SLC44A3: variants seen among roughly 807,000 people sequenced by gnomAD.
The protein encoded by SLC44A3 is choline transporter-like protein 3.
In SLC44A3, 74 loss-of-function variants were observed where a neutral mutation model predicts 75.4. The observed-to-expected ratio is 0.98, with a 90% CI of 0.81 to 1.19. The LOEUF is 1.19. Among genes scored for constraint, SLC44A3 ranks in the 50% most tolerant of loss-of-function variants. The pLI is 0.00. For synonymous variants in SLC44A3, 310 were observed against 296.9 expected, an observed-to-expected ratio of 1.04 and a Z score of -0.45; for missense variants, 700 against 778.6, an observed-to-expected ratio of 0.90 and a Z score of 1.20.
At chr1:94,837,653 T>A (rs1273079501) in intron 5 of SLC44A3, 58 bp from the exon 6 acceptor site, 36 of 1,486,810 alleles carry the variant, frequency 2.4e-5, no homozygotes, top group Non-Finnish European at 3.2e-5. Context: ...TAAATAAACA[T>A]CTTTTAAAGA....
At chr1:94,860,958 A>G (rs1368470913) in intron 10 of SLC44A3, among the ~76,000 whole-genome samples, 1 of 152,244 alleles carries the variant, frequency 6.6e-6, no homozygotes, top group Non-Finnish European at 1.5e-5. Flanking sequence ...CACCATGAAA[A>G]GAAAATGGAA....
At chr1:94,822,211 C>T (rs564808547) in intron 2 of SLC44A3, among the ~76,000 whole-genome samples, 10 of 152,350 alleles carry the variant, frequency 6.6e-5, no homozygotes, top group Non-Finnish European at 1.5e-4. Context: ...CACTACCAAA[C>T]TCTCAGCCCA....
At chr1:94,891,603 T>C (rs1448326916) in intron 13 of SLC44A3, among the ~76,000 whole-genome samples, 2 of 152,206 alleles carry the variant, frequency 1.3e-5, no homozygotes, top group Non-Finnish European at 2.9e-5. Flanking sequence ...GTTTGTGGGT[T>C]TCTCATTAAG....
intron 9 of SLC44A3, among the ~76,000 whole-genome samples, chr1:94,856,655 C>A (rs946077093): frequency 2.6e-5 from 4 of 151,954 alleles, no homozygotes; most frequent in Non-Finnish European, 4.4e-5. Context: ...TTTTAGAGTC[C>A]CATGTGTTTA....
At chr1:94,831,812 G>T (rs1662169182) in intron 5 of SLC44A3, among the ~76,000 whole-genome samples, 1 of 152,184 alleles carries the variant, frequency 6.6e-6, no homozygotes, top group African/African-American at 2.4e-5. Flanking sequence ...CTGCAAGTTT[G>T]AGTGGCTTTG....
chr1:94,845,030 C>G (rs574152404), intron 8 of SLC44A3, among the ~76,000 whole-genome samples: 1 of 152,168 alleles, frequency 6.6e-6, no homozygotes, highest in Admixed American at 6.5e-5. Context: ...GACCAGACTA[C>G]AAGGCCCTTT....
intron 12 of SLC44A3, among the ~76,000 whole-genome samples, chr1:94,887,721 T>A (rs906995060): frequency 6.6e-6 from 1 of 151,176 alleles, no homozygotes; most frequent in East Asian, 1.9e-4. Flanking sequence ...AAGCTTAGAG[T>A]GGGGAAGTGA....
At chr1:94,882,267 A>C (rs1352104340) in intron 12 of SLC44A3, among the ~76,000 whole-genome samples, 1 of 152,220 alleles carries the variant, frequency 6.6e-6, no homozygotes, top group Non-Finnish European at 1.5e-5. Flanking sequence ...TCGTGGCTCC[A>C]AAAGCTGTGG....
chr1:94,862,895 G>A (rs1210165510), intron 10 of SLC44A3, among the ~76,000 whole-genome samples: 1 of 152,152 alleles, frequency 6.6e-6, no homozygotes, highest in African/African-American at 2.4e-5. Context: ...TAGCATCACT[G>A]GGTGTGTCAG....
chr1:94,820,497 G>A lies in SLC44A3; in HGVS notation c.27+19G>A, dbSNP rs980675353. ...GTACCTGGTAAGCGCTCGCAGCCTC[G>A]GCCCTCGGGGGAGGAGCCCCGGGGA... On this transcript the variant is annotated intron_variant, in intron 1 of 14. Transcript: ENST00000271227. 4 of 1,487,976 alleles carry A rather than the reference G, an allele frequency of 2.7e-6. No homozygotes were observed. The highest frequency in any genetic ancestry group is 2.9e-5 in the African/African-American group (2 of 69,718). 92.2% of individuals were successfully genotyped at this position (1,487,976 alleles called of 1,614,324 possible).
At chr1:94,831,931 T>C (rs530696273) in intron 5 of SLC44A3, among the ~76,000 whole-genome samples, 1 of 152,268 alleles carries the variant, frequency 6.6e-6, no homozygotes, top group East Asian at 1.9e-4. Context: ...CCCAGCACTT[T>C]GGAAGGGCGA....
intron 6 of SLC44A3, chr1:94,839,012 G>A (rs896687213): frequency 6.6e-6 from 1 of 152,222 alleles, no homozygotes; most frequent in African/African-American, 2.4e-5. Context: ...GAGGCTTAGA[G>A]AGGTTTAGGA....
intron 12 of SLC44A3, among the ~76,000 whole-genome samples, chr1:94,874,157 T>C (rs1209806861): frequency 2.6e-5 from 4 of 152,228 alleles, no homozygotes; most frequent in Non-Finnish European, 5.9e-5. Flanking sequence ...TGGCAAATGC[T>C]ACTACCCTGG....
chr1:94,839,402 T>A (rs1274419697), intron 6 of SLC44A3, among the ~76,000 whole-genome samples: 2 of 152,300 alleles, frequency 1.3e-5, no homozygotes, highest in African/African-American at 4.8e-5. Context: ...TCTTTTTTTT[T>A]ATTGAGACAG....
At chr1:94,852,182 G>A (rs939104953) in intron 9 of SLC44A3, among the ~76,000 whole-genome samples, 1 of 152,182 alleles carries the variant, frequency 6.6e-6, no homozygotes, top group Non-Finnish European at 1.5e-5. Context: ...CCAATTTGGA[G>A]GGTAGAAGGA....
At chr1:94,861,095 A>AG (rs1441296297) in intron 10 of SLC44A3, among the ~76,000 whole-genome samples, 10 of 152,270 alleles carry the variant, frequency 6.6e-5, no homozygotes, top group African/African-American at 2.4e-4. Flanking sequence ...AGAAAAAAAA[A>AG]GTTGTACAGG....
chr1:94,847,596 C>T (rs371217007), intron 9 of SLC44A3, among the ~76,000 whole-genome samples: 33 of 152,318 alleles, frequency 2.2e-4, no homozygotes, highest in East Asian at 9.7e-4. Context: ...CTTCCTCTAG[C>T]GAGCTTGAAG....
chr1:94,863,795 A>G (rs573829338), intron 10 of SLC44A3, among the ~76,000 whole-genome samples: 14 of 152,186 alleles, frequency 9.2e-5, no homozygotes, highest in Non-Finnish European at 1.8e-4. Context: ...AAATGCAGCC[A>G]TTGCCAACTC....
At chr1:94,881,250 C>A (rs1299122102) in intron 12 of SLC44A3, among the ~76,000 whole-genome samples, 2 of 152,152 alleles carry the variant, frequency 1.3e-5, no homozygotes, top group African/African-American at 4.8e-5. Context: ...CCCCTAGGCT[C>A]ACCAACAGTG....
Sources: gnomAD v4.1 joint callset for allele counts (sites outside exome capture counted in the v4.1 genomes callset) on GRCh38, gnomAD v4.1.1 for gene constraint, MANE v1.5 for transcripts, NCBI Gene and HGNC (gene_info 2026-07-23, HGNC 2026-07-21) for gene names.